The following BRF1 variants were observed in gnomAD, a reference collection of about 807,000 sequenced individuals.
The protein encoded by BRF1 is transcription factor IIIB 90 kDa subunit.
BRF1 carries 59 observed loss-of-function variants against 81.7 expected under a neutral mutation model. The observed-to-expected ratio is 0.72, with a 90% CI of 0.59 to 0.90. The LOEUF (loss-of-function observed/expected upper bound fraction) is 0.90. Ranked by LOEUF, BRF1 falls within the 40% of genes least tolerant of loss-of-function variation. BRF1 has a pLI of 0.00. For missense variants in BRF1, 1,050 were observed against 936.3 expected (o/e 1.12, Z -1.58); for synonymous variants, 491 against 395.6 (o/e 1.24, Z -2.86).
intron 3 of BRF1, among the ~76,000 whole-genome samples, chr14:105,265,493 T>C (rs2056369607): frequency 6.6e-6 from 1 of 152,174 alleles, no homozygotes; most frequent in Non-Finnish European, 1.5e-5. Flanking sequence ...GGTTCACGCC[T>C]GTAATCCCAG....
intron 4 of BRF1, among the ~76,000 whole-genome samples, chr14:105,255,121 C>T (rs1206907057): frequency 6.6e-6 from 1 of 152,208 alleles, no homozygotes; most frequent in Non-Finnish European, 1.5e-5. Flanking sequence ...AGGGAGACTC[C>T]ATGAGCTCGC....
At chr14:105,220,655 G>T (rs1308793865) in intron 11 of BRF1, among the ~76,000 whole-genome samples, 1 of 152,162 alleles carries the variant, frequency 6.6e-6, no homozygotes, top group African/African-American at 2.4e-5. Context: ...CCCCTGCCCA[G>T]CCCCACGCAG....
chr14:105,241,243 A>C, intron 6 of BRF1, 22 bp downstream of exon 6: 6 of 1,607,688 alleles, frequency 3.7e-6, no homozygotes, highest in African/African-American at 1.3e-5. Context: ...AGCATCCCCC[A>C]GGCAGGCAGG....
chr14:105,212,401 C>G (rs587706907), intron 15 of BRF1: 7 of 519,984 alleles, frequency 1.3e-5, no homozygotes, highest in Non-Finnish European at 2.4e-5. Context: ...AACACAGAAG[C>G]TGCAGACGCC....
chr14:105,241,480 G>A (rs1173922652), intron 5 of BRF1, 66 bp from the exon 6 acceptor site: 21 of 1,591,658 alleles, frequency 1.3e-5, no homozygotes, highest in Middle Eastern at 1.8e-4. Context: ...GGCGGCCCAC[G>A]CAGCCCAGGG....
chr14:105,292,699 G>A (rs2057567113), intron 1 of BRF1, among the ~76,000 whole-genome samples: 1 of 152,216 alleles, frequency 6.6e-6, no homozygotes, highest in Middle Eastern at 3.2e-3. Flanking sequence ...GGGGCTGGAT[G>A]CAGTAGCATC....
rs1398196062 is a variant in BRF1, at chr14:105,284,723, T to C, written c.265+1573A>G. 6.6e-6 allele frequency among the ~76,000 whole-genome samples: 1 copy of C among 152,176 alleles called. No individual in the cohort carries two copies. The highest frequency in any genetic ancestry group is 1.9e-4 in the East Asian group (1 of 5,200). ...CCAACCCACACTCAATGGTGAAGAC[T>C]GGATGCTTCCCCAGGATCAAGGACA... On this transcript the variant is annotated intron_variant, in intron 2 of 17. Coordinates refer to ENST00000547530, the MANE Select transcript of BRF1 (RefSeq NM_001519.4). The surrounding 1 kb of genome is among the most constrained non-coding windows in gnomAD (Gnocchi z 4.0).
At chr14:105,305,837 C>T (rs1056727548), upstream of BRF1, among the ~76,000 whole-genome samples, 10 of 152,382 alleles carry the variant, frequency 6.6e-5, no homozygotes, top group Admixed American at 6.5e-4. Context: ...GGGCACCCAG[C>T]ACCAGCTTCC....
chr14:105,299,488 T>C (rs1595498622), intron 1 of BRF1, among the ~76,000 whole-genome samples: 1 of 152,000 alleles, frequency 6.6e-6, no homozygotes, highest in Non-Finnish European at 1.5e-5. Flanking sequence ...GGCAGGAGAA[T>C]TGCCTGAGCC....
chr14:105,279,945 T>C (rs28822720), intron 2 of BRF1, among the ~76,000 whole-genome samples: 39,855 of 152,134 alleles, frequency 0.26, 5,424 homozygotes, highest in South Asian at 0.29. Context: ...GCAAGCCAGA[T>C]GCGGACGACT....
At position 105,241,295 on chromosome 14, in the gene BRF1, C is replaced by G; in HGVS notation, c.664G>C (p.Gly222Arg). The change falls in exon 6 of 18, where the codon GGC (glycine) becomes CGC (arginine). Residue 222 changes from glycine (G) to arginine (R), a missense_variant. Around this residue, in one of 2 missense-constraint regions of BRF1, gnomAD observed 1,043 missense variants for 915.4 expected, o/e 1.14. Transcript: ENST00000547530. ...QRMKRDWMHT[G>R]RRPSGLCGAA... ...CCGCAGAGGCCCGAGGGGCGCCGGC[C>G]TGTGTGCATCCAGTCCCGCTTCATC... 2 of 1,612,556 alleles carry G rather than the reference C, an allele frequency of 1.2e-6. No individual in the cohort carries two copies. The highest frequency in any genetic ancestry group is 1.7e-6 in the Non-Finnish European group (2 of 1,179,912).
chr14:105,292,139 C>A (rs1020423657), intron 1 of BRF1, among the ~76,000 whole-genome samples: 1 of 152,102 alleles, frequency 6.6e-6, no homozygotes, highest in Non-Finnish European at 1.5e-5. Context: ...CACAGACATG[C>A]GCCACCACGC....
At chr14:105,252,756 T>C (rs1030706112) in intron 4 of BRF1, among the ~76,000 whole-genome samples, 177 bp from the exon 5 acceptor site, 2 of 152,228 alleles carry the variant, frequency 1.3e-5, no homozygotes, top group Admixed American at 6.5e-5. Context: ...CCCAGGGCCC[T>C]GCCTTCTTCC....
intron 7 of BRF1, among the ~76,000 whole-genome samples, chr14:105,228,577 G>T (rs984899409): frequency 6.6e-6 from 1 of 152,034 alleles, no homozygotes; most frequent in Admixed American, 6.6e-5. Flanking sequence ...ATCGGAGGAG[G>T]AGGATGCCTC....
intron 15 of BRF1, among the ~76,000 whole-genome samples, chr14:105,216,437 G>A (rs1412115383): frequency 6.6e-6 from 1 of 152,184 alleles, no homozygotes; most frequent in Non-Finnish European, 1.5e-5. Context: ...CATGCCAGGA[G>A]CTGTGCTAGG....
At position 105,248,448 on chromosome 14, in the gene BRF1, G is replaced by A. The variant is rs1208575212; in HGVS notation, c.544+4059C>T. The A allele has an allele frequency of 1.8e-5, 18 of 985,242 alleles. No homozygotes were observed. The East Asian group carries it at 1.9e-3, about 106-fold the overall frequency. 61.0% of individuals were successfully genotyped at this position (985,242 alleles called of 1,614,324 possible). On this transcript the variant is annotated intron_variant, in intron 5 of 17. Transcript: ENST00000547530. ...CAGCGCGCGGCTCGCGCCGGTTGCT[G>A]GGCAGAAGCTCGAGCAGCTTCGAGG...
intron 5 of BRF1, chr14:105,249,697 C>G (rs2816606): frequency 1.9e-6 from 3 of 1,613,542 alleles, no homozygotes; most frequent in Admixed American, 1.7e-5. Flanking sequence ...CCACTCTGTA[C>G]GCTGCTAAGA....
chr14:105,264,665 TCA>T (rs2056318009), intron 3 of BRF1, among the ~76,000 whole-genome samples: 1 of 63,832 alleles, frequency 1.6e-5, no homozygotes, highest in African/African-American at 6.2e-5. Flanking sequence ...AGACTCCATC[TCA>T]AAAAAAAAAA....
intron 6 of BRF1, among the ~76,000 whole-genome samples, chr14:105,229,298 C>G (rs759329304): frequency 1.4e-4 from 21 of 152,334 alleles, no homozygotes; most frequent in Admixed American, 4.6e-4. Flanking sequence ...CCACAGCTGG[C>G]AGCTGACACA....
Sources: gnomAD v4.1 joint callset for allele counts (sites outside exome capture counted in the v4.1 genomes callset) on GRCh38, gnomAD v4.1.1 for gene constraint, gnomAD v4.1.1 regional missense constraint, Gnocchi (gnomAD v3.1) non-coding constraint, MANE v1.5 for transcripts, NCBI Gene and HGNC (gene_info 2026-07-23, HGNC 2026-07-21) for gene names.